Variants in CSRNP3 observed in about 807,000 individuals in gnomAD.
CSRNP3 encodes cysteine/serine-rich nuclear protein 3.
A neutral mutation model predicts 48.0 loss-of-function variants in CSRNP3; 12 were observed. The ratio of observed to expected loss-of-function variants is 0.25; its 90% CI spans 0.16 to 0.41. The LOEUF is 0.41. Among genes scored for constraint, CSRNP3 ranks in the 10% least tolerant of loss-of-function variants. The pLI is 1.00. For missense variants in CSRNP3, 580 were observed against 724.4 expected (o/e 0.80, Z 2.29); for synonymous variants, 263 against 269.7 (o/e 0.98, Z 0.24).
At chr2:165,503,169 C>T (rs1348993246) in intron 2 of CSRNP3, among the ~76,000 whole-genome samples, 5 of 151,772 alleles carry the variant, frequency 3.3e-5, no homozygotes, top group Non-Finnish European at 1.5e-5. Context: ...ACTTCTACTG[C>T]CCAGATCAAT....
chr2:165,686,036 A>G lies in CSRNP3; in HGVS notation c.*6283A>G, dbSNP rs1344883196. ...GTTAATTTATGTGACCTGATTGAAC[A>G]GTTTTAGTTGTAACTTTAGAGTAGC... On this transcript the variant is annotated 3_prime_UTR_variant, in exon 7 of 7. Transcript: ENST00000651982. 6.6e-6 allele frequency: 1 copy of G among 152,114 alleles called. No individual in the cohort carries two copies. The highest frequency in any genetic ancestry group is 1.9e-4 in the East Asian group (1 of 5,196). The allele number at this position is 152,114 out of a possible 1,614,324, so 9.4% of individuals were successfully genotyped here. A position where few individuals can be genotyped will look rare whatever the true frequency, so the allele number is the denominator to read the frequency against.
At chr2:165,577,428 T>C (rs926780309) in intron 3 of CSRNP3, among the ~76,000 whole-genome samples, 2 of 151,774 alleles carry the variant, frequency 1.3e-5, no homozygotes, top group African/African-American at 4.8e-5. Context: ...ATAATCTGTA[T>C]GATATAAACT....
At chr2:165,588,312 C>G (rs1057339425) in intron 3 of CSRNP3, among the ~76,000 whole-genome samples, 1 of 152,196 alleles carries the variant, frequency 6.6e-6, no homozygotes, top group Admixed American at 6.5e-5. Context: ...CTTTATAAGC[C>G]ATCTTGAGGA....
chr2:165,504,707 T>C (rs1332207294), intron 2 of CSRNP3, among the ~76,000 whole-genome samples: 1 of 152,108 alleles, frequency 6.6e-6, no homozygotes, highest in Non-Finnish European at 1.5e-5. Flanking sequence ...CCAACTATGC[T>C]GATTACCATT....
intron 6 of CSRNP3, among the ~76,000 whole-genome samples, chr2:165,677,906 C>T (rs1055751241): frequency 6.6e-6 from 1 of 152,176 alleles, no homozygotes; most frequent in African/African-American, 2.4e-5. Context: ...GGTATCCAAT[C>T]ACCAAAATAG....
chr2:165,477,282 A>G (rs557428580), intron 1 of CSRNP3, among the ~76,000 whole-genome samples: 2 of 151,644 alleles, frequency 1.3e-5, no homozygotes, highest in South Asian at 2.1e-4. Flanking sequence ...AGTCTTTTCT[A>G]TGCTAACGTA....
rs1687562309 is a variant in CSRNP3 at position 165,682,394 on chromosome 2, C to T, written c.*2641C>T. ...ACCTGTAAACATATCCCACAAACCA[C>T]ATACACAGGCTACCTATTAAAACTC... On this transcript the variant is annotated 3_prime_UTR_variant, in exon 7 of 7. Coordinates refer to ENST00000651982, the MANE Select transcript of CSRNP3 (RefSeq NM_001172173.2). 1 of 152,092 alleles carries T rather than the reference C, an allele frequency of 6.6e-6. No homozygotes were observed. Among genetic ancestry groups the T allele is most frequent in the Admixed American group, 6.6e-5 (1 of 15,238 alleles). 9.4% of individuals were successfully genotyped at this position (152,092 alleles called of 1,614,324 possible).
chr2:165,653,589 T>C (rs767063557), intron 4 of CSRNP3, among the ~76,000 whole-genome samples: 16 of 152,168 alleles, frequency 1.1e-4, no homozygotes, highest in Non-Finnish European at 1.6e-4. Flanking sequence ...AGAATTCTTA[T>C]AATCTCAAAC....
chr2:165,535,389 T>C (rs1169848761), intron 3 of CSRNP3, among the ~76,000 whole-genome samples: 1 of 151,640 alleles, frequency 6.6e-6, no homozygotes, highest in East Asian at 1.9e-4. Context: ...AAAGAACATA[T>C]TCCTTCTGCT....
At chr2:165,511,961 G>C (rs1684512820) in intron 2 of CSRNP3, among the ~76,000 whole-genome samples, 1 of 152,098 alleles carries the variant, frequency 6.6e-6, no homozygotes, top group South Asian at 2.1e-4. Context: ...GAGAGAGAAA[G>C]GCCTTGGAGG....
intron 3 of CSRNP3, among the ~76,000 whole-genome samples, chr2:165,537,371 G>A (rs933436155): frequency 8.0e-5 from 12 of 149,600 alleles, no homozygotes. Flanking sequence ...GGACCTAAAA[G>A]CCCTTAACGC....
chr2:165,635,867 C>T (rs1292017510), intron 4 of CSRNP3, among the ~76,000 whole-genome samples: 10 of 152,116 alleles, frequency 6.6e-5, no homozygotes, highest in Non-Finnish European at 1.3e-4. Context: ...CCCTCCATCT[C>T]TTTGGTGCTA....
intron 3 of CSRNP3, among the ~76,000 whole-genome samples, chr2:165,555,795 A>G: frequency 6.6e-6 from 1 of 152,244 alleles, no homozygotes; most frequent in East Asian, 1.9e-4. Flanking sequence ...GCTATTTCAG[A>G]TAATATGAAG....
At chr2:165,627,555 C>A (rs1045762295) in intron 4 of CSRNP3, among the ~76,000 whole-genome samples, 1 of 152,084 alleles carries the variant, frequency 6.6e-6, no homozygotes, top group Non-Finnish European at 1.5e-5. Context: ...CGCACTGATA[C>A]TCTCTCGTCA....
intron 2 of CSRNP3, among the ~76,000 whole-genome samples, chr2:165,508,790 T>C (rs1271368483): frequency 1.3e-5 from 2 of 152,234 alleles, no homozygotes; most frequent in Non-Finnish European, 2.9e-5. Flanking sequence ...GTAACTTTTA[T>C]TTGTTTAATA....
chr2:165,485,255 C>T (rs970367385), intron 1 of CSRNP3, among the ~76,000 whole-genome samples: 1 of 152,118 alleles, frequency 6.6e-6, no homozygotes, highest in Non-Finnish European at 1.5e-5. Flanking sequence ...ATTTTCAGAG[C>T]TTCCAAGGCA....
At chr2:165,490,580 G>T (rs1684190732) in intron 1 of CSRNP3, among the ~76,000 whole-genome samples, 1 of 146,428 alleles carries the variant, frequency 6.8e-6, no homozygotes, top group Non-Finnish European at 1.5e-5. Context: ...AAAACAGCAT[G>T]GTACTTGTAC....
chr2:165,647,330 A>G (rs1169506116), intron 4 of CSRNP3, among the ~76,000 whole-genome samples: 1 of 152,202 alleles, frequency 6.6e-6, no homozygotes, highest in Non-Finnish European at 1.5e-5. Flanking sequence ...AGACATTGGG[A>G]TAGGAAAATA....
At chr2:165,657,730 G>A (rs1277731456) in intron 4 of CSRNP3, 31 bp from the exon 5 acceptor site, 14 of 1,605,026 alleles carry the variant, frequency 8.7e-6, no homozygotes, top group Non-Finnish European at 1.2e-5. Flanking sequence ...GCTGCCCCAA[G>A]TGTTCACAGG....
Sources: allele counts gnomAD v4.1 joint callset (sites outside exome capture counted in the v4.1 genomes callset), GRCh38; gene constraint gnomAD v4.1.1; transcripts MANE v1.5; gene names NCBI Gene and HGNC (gene_info 2026-07-23, HGNC 2026-07-21).